NAE1: variants seen among roughly 807,000 people sequenced by gnomAD.
NAE1 encodes the protein NEDD8-activating enzyme E1 regulatory subunit.
NAE1 carries 59 observed loss-of-function variants against 88.0 expected under a neutral mutation model. The ratio of observed to expected loss-of-function variants is 0.67; its 90% CI spans 0.54 to 0.83. The LOEUF is 0.83. NAE1 is among the 40% of genes least tolerant of loss of function. The pLI is 0.00. For synonymous variants in NAE1, 186 were observed against 208.9 expected (o/e 0.89, Z 0.95); for missense variants, 554 against 632.8 (o/e 0.88, Z 1.34).
At chr16:66,804,569 T>C (rs1156920339) in intron 19 of NAE1, among the ~76,000 whole-genome samples, 2 of 152,198 alleles carry the variant, frequency 1.3e-5, no homozygotes, top group Non-Finnish European at 1.5e-5. Context: ...ACATTCAACA[T>C]CTAGAAGGAA....
At chr16:66,817,146 G>T in intron 9 of NAE1, 118 bp from the exon 10 acceptor site, 1 of 1,321,250 alleles carries the variant, frequency 7.6e-7, no homozygotes, top group Non-Finnish European at 1.0e-6. Flanking sequence ...ATTTCTCTGT[G>T]AAATCAGAGG....
chr16:66,814,548 G>T (rs749225917), intron 11 of NAE1, among the ~76,000 whole-genome samples: 154 of 148,654 alleles, frequency 1.0e-3, no homozygotes, highest in Non-Finnish European at 6.8e-4. Flanking sequence ...AGCAGTGATT[G>T]TGTCACTGCA....
chr16:66,823,381 T>A, intron 5 of NAE1, 75 bp from the exon 6 acceptor site: 1 of 1,356,454 alleles, frequency 7.4e-7, no homozygotes, highest in Non-Finnish European at 1.0e-6. Flanking sequence ...GCAGAGACAG[T>A]TAAGCTATTT....
chr16:66,818,323 T>C (rs1460560316), intron 8 of NAE1, among the ~76,000 whole-genome samples: 2 of 152,224 alleles, frequency 1.3e-5, no homozygotes, highest in Admixed American at 1.3e-4. Context: ...GTTCAGTATA[T>C]GTACTTTTCT....
At chr16:66,816,787 C>A in intron 10 of NAE1, 115 bp from the exon 11 acceptor site, 1 of 1,258,902 alleles carries the variant, frequency 7.9e-7, no homozygotes, top group East Asian at 2.4e-5. Context: ...AGAAGAAATA[C>A]GGCTTATCAT....
Position 66,816,639 on chromosome 16 carries a change from T to C in NAE1, c.782A>G (p.Asp261Gly). Residue 261 changes from aspartate (D) to glycine (G), a missense_variant, in exon 11 of 20, where the codon GAT becomes GGT. Transcript: ENST00000290810. ...ILKNENGAPE[D>G]EENFEEAIKN... is the part of the protein sequence containing the mutation. ...AATAGCTTCTTCAAAATTCTCTTCA[T>C]CTTCTGGAGCCCCATTTTCATTTTT... 6.2e-7 allele frequency: 1 copy of C among 1,612,474 alleles called. No homozygotes were observed. Among genetic ancestry groups the C allele is most frequent in the Non-Finnish European group, 8.5e-7 (1 of 1,179,000 alleles).
intron 12 of NAE1, 38 bp from the exon 13 acceptor site, chr16:66,813,735 T>C: frequency 6.3e-7 from 1 of 1,599,786 alleles, no homozygotes. Context: ...AAGTGGCGTT[T>C]TACTTTGACC....
chr16:66,808,610 G>C lies in NAE1; in HGVS notation c.1241C>G (p.Ser414Cys). 1.3e-6 allele frequency: 2 copies of C among 1,595,172 alleles called. No homozygotes were observed. Among genetic ancestry groups the C allele is most frequent in the Non-Finnish European group, 1.7e-6 (2 of 1,170,172 alleles). Residue 414 changes from serine to cysteine, a missense_variant, in exon 17 of 20, where the codon TCT becomes TGT. Physicochemically the swap from Ser to Cys is moderately radical, Grantham distance 112 (BLOSUM62 -1). Coordinates refer to ENST00000290810, the MANE Select transcript of NAE1 (RefSeq NM_003905.4). The stretch of plus-strand genomic sequence containing the variant: ...TTCATTATCTGGATTGTCCATGCTA[G>C]AAACTGAAAGGAAAAAAAATTTCAG... ...LDTINKDEII[S>C]SMDNPDNEIV... is the part of the protein sequence containing the mutation.
intron 17 of NAE1, among the ~76,000 whole-genome samples, chr16:66,808,292 A>G (rs363167): frequency 0.19 from 29,428 of 152,156 alleles, 5,823 homozygotes; most frequent in African/African-American, 0.51. Context: ...GTTTTCTTCT[A>G]TACATATTCA....
intron 19 of NAE1, among the ~76,000 whole-genome samples, chr16:66,804,748 A>C (rs1959494515): frequency 6.6e-6 from 1 of 152,114 alleles, no homozygotes; most frequent in Admixed American, 6.6e-5. Flanking sequence ...TTAGGTCAAG[A>C]GCGTAGAACC....
intron 9 of NAE1, 184 bp from the exon 10 acceptor site, chr16:66,817,212 C>T: frequency 1.1e-6 from 1 of 912,982 alleles, no homozygotes; most frequent in Non-Finnish European, 1.6e-6. Context: ...TTCCCCCTGC[C>T]AGTTTCATAA....
rs750252019 is a variant in NAE1 at position 66,830,891 on chromosome 16, C to G, written c.9G>C (p.Gln3His). Reference protein sequence around the residue: MAQLGKLLKEQKY... With the variant: MAHLGKLLKEQKY... The stretch of plus-strand genomic sequence containing the variant: ...TCTGCTCCTTGAGCAGCTTTCCCAG[C>G]TGCGCCATGGCCGCGCCTGCCGCGC... The change falls in exon 1 of 20, where the codon CAG becomes CAC. Residue 3 changes from glutamine to histidine, a missense_variant. Coordinates refer to ENST00000290810, the MANE Select transcript of NAE1 (RefSeq NM_003905.4). 100 of 1,537,444 alleles carry G rather than the reference C, an allele frequency of 6.5e-5. 1 individual carries two copies. In the South Asian group the frequency reaches 9.0e-4, roughly 14 times the overall value.
At chr16:66,825,892 TA>T (rs1226521393) in intron 3 of NAE1, among the ~76,000 whole-genome samples, 1 of 152,080 alleles carries the variant, frequency 6.6e-6, no homozygotes, top group Non-Finnish European at 1.5e-5. Flanking sequence ...TATATATCAA[TA>T]AAAAAGCTGT....
intron 11 of NAE1, among the ~76,000 whole-genome samples, 172 bp downstream of exon 11, chr16:66,816,409 C>A (rs565891714): frequency 7.2e-5 from 11 of 152,338 alleles, no homozygotes; most frequent in Admixed American, 3.3e-4. Flanking sequence ...AGGTGATCCA[C>A]CCGCCTCAGC....
In NAE1 at chr16:66,802,912, T is replaced by C; in HGVS notation, c.*97A>G. On this transcript the variant is annotated 3_prime_UTR_variant, in exon 20 of 20. Transcript: ENST00000290810. ...AGAAAAATGTTTATTAAGAAAACAATTTAGCAGCTCTCCTTTAGAATTTTA... is the reference window on the plus strand; with the variant it reads ...AGAAAAATGTTTATTAAGAAAACAACTTAGCAGCTCTCCTTTAGAATTTTA... 1 of 747,066 alleles carries C rather than the reference T, an allele frequency of 1.3e-6. No individual in the cohort carries two copies. The highest frequency in any genetic ancestry group is 2.3e-6 in the Non-Finnish European group (1 of 434,022). The allele number at this position is 747,066 out of a possible 1,614,324, so 46.3% of individuals were successfully genotyped here. A position where few individuals can be genotyped will look rare whatever the true frequency, so the allele number is the denominator to read the frequency against.
At chr16:66,811,910 G>A (rs1465619501) in intron 13 of NAE1, among the ~76,000 whole-genome samples, 2 of 152,164 alleles carry the variant, frequency 1.3e-5, no homozygotes, top group Non-Finnish European at 2.9e-5. Context: ...GGGGAAGAGA[G>A]ATCATCTCTG....
At chr16:66,810,525 G>A (rs1044358720) in intron 14 of NAE1, 112 bp from the exon 15 acceptor site, 5 of 1,141,874 alleles carry the variant, frequency 4.4e-6, no homozygotes, top group African/African-American at 3.1e-5. Flanking sequence ...AGAGCTGGGA[G>A]AGCACTTTAA....
At chr16:66,813,879 A>T in intron 11 of NAE1, 33 bp from the exon 12 acceptor site, 1 of 1,572,316 alleles carries the variant, frequency 6.4e-7, no homozygotes, top group Non-Finnish European at 8.7e-7. Flanking sequence ...TTACTTACAC[A>T]GTATTAAGAA....
chr16:66,812,821 A>T, intron 13 of NAE1, among the ~76,000 whole-genome samples: 1 of 127,278 alleles, frequency 7.9e-6, no homozygotes, highest in Non-Finnish European at 1.6e-5. Flanking sequence ...GCCCGGCCTA[A>T]GTTCTTTTTT....
Sources: gnomAD v4.1 joint callset for allele counts (sites outside exome capture counted in the v4.1 genomes callset) on GRCh38, gnomAD v4.1.1 for gene constraint, MANE v1.5 for transcripts, NCBI Gene and HGNC (gene_info 2026-07-23, HGNC 2026-07-21) for gene names.